The following NOL10 variants were observed in gnomAD, a reference collection of about 807,000 sequenced individuals.
NOL10 encodes the protein nucleolar protein 10, also known as H_NH0074G24.1.
In NOL10, 58 loss-of-function variants were observed where a neutral mutation model predicts 103.5. The ratio of observed to expected loss-of-function variants is 0.56; its 90% confidence interval spans 0.45 to 0.70. NOL10 has a LOEUF of 0.70. NOL10 is among the 30% of genes least tolerant of loss of function. The pLI is 0.00. For synonymous variants in NOL10, 287 were observed against 282.5 expected (o/e 1.02, Z -0.16); for missense variants, 763 against 807.3 (o/e 0.95, Z 0.67).
intron 3 of NOL10, among the ~76,000 whole-genome samples, chr2:10,680,337 AAGAGGG>A (rs1260472547): frequency 1.9e-5 from 2 of 107,806 alleles, no homozygotes; most frequent in African/African-American, 3.7e-5. Flanking sequence ...GGAGAGGGAG[AAGAGGG>A]AGAGGGAGAA....
At chr2:10,593,951 A>C (rs1317103987) in intron 17 of NOL10, among the ~76,000 whole-genome samples, 5 of 152,220 alleles carry the variant, frequency 3.3e-5, no homozygotes, top group Non-Finnish European at 5.9e-5. Context: ...TTCCCCAAAC[A>C]GTGTGGCCAA....
At chr2:10,603,841 T>C (rs1283255532) in intron 14 of NOL10, among the ~76,000 whole-genome samples, 2 of 152,176 alleles carry the variant, frequency 1.3e-5, no homozygotes, top group South Asian at 2.1e-4. Context: ...AGGAATTATT[T>C]ATTAATTCCA....
At chr2:10,657,298 ACAGAG>A (rs1679907516) in intron 11 of NOL10, among the ~76,000 whole-genome samples, 1 of 151,834 alleles carries the variant, frequency 6.6e-6, no homozygotes, top group Admixed American at 6.6e-5. Context: ...AGCCTGGGCG[ACAGAG>A]CAAACTCTCT....
In NOL10 at chr2:10,684,199, C is replaced by T. The variant is rs966896306; in HGVS notation, c.112+368G>A. Reference sequence around the variant, plus strand: ...GCTGAGGCAGGAGAACTGCTTGAATCCAGGAGGTGGAGGTTGCAGTGAGCC... The same window carrying T: ...GCTGAGGCAGGAGAACTGCTTGAATTCAGGAGGTGGAGGTTGCAGTGAGCC... On this transcript the variant is annotated intron_variant, in intron 2 of 20. Coordinates refer to ENST00000381685, the MANE Select transcript of NOL10 (RefSeq NM_024894.4). Among the ~76,000 whole-genome samples, 10 of 151,956 alleles carry T rather than the reference C, an allele frequency of 6.6e-5. 1 individual carries two copies. In the South Asian group the frequency reaches 1.0e-3, roughly 16 times the overall value.
At chr2:10,598,825 A>T (rs1032515012) in intron 17 of NOL10, among the ~76,000 whole-genome samples, 2 of 152,258 alleles carry the variant, frequency 1.3e-5, no homozygotes, top group Non-Finnish European at 2.9e-5. Context: ...AAAATACTCA[A>T]TTAGGCTTTA....
intron 12 of NOL10, among the ~76,000 whole-genome samples, chr2:10,653,805 C>T (rs1005504267): frequency 2.6e-5 from 4 of 152,136 alleles, no homozygotes; most frequent in Non-Finnish European, 4.4e-5. Context: ...GCTCCGCTCT[C>T]GGTGGTCACA....
At chr2:10,663,171 A>G in intron 8 of NOL10, 127 bp from the exon 9 acceptor site, 1 of 645,270 alleles carries the variant, frequency 1.5e-6, no homozygotes, top group Non-Finnish European at 2.7e-6. Flanking sequence ...GTTTGAGACT[A>G]GTCTGACTAA....
intron 14 of NOL10, 139 bp downstream of exon 14, chr2:10,607,046 T>C (rs1676297457): frequency 1.8e-5 from 9 of 494,374 alleles, no homozygotes; most frequent in Non-Finnish European, 2.4e-5. Flanking sequence ...ATTTATAATA[T>C]GTTTAATATC....
chr2:10,580,444 C>CTAT (rs1209669188), intron 19 of NOL10, among the ~76,000 whole-genome samples: 2 of 143,652 alleles, frequency 1.4e-5, no homozygotes, highest in Non-Finnish European at 3.0e-5. Context: ...GGGACTTTTT[C>CTAT]ACTGGTGTAT....
chr2:10,602,565 G>A (rs1380156279), intron 16 of NOL10, among the ~76,000 whole-genome samples: 1 of 152,186 alleles, frequency 6.6e-6, no homozygotes, highest in Admixed American at 6.5e-5. Context: ...AATTACCGCA[G>A]AGGTCATAAT....
At chr2:10,677,111 G>A (rs1470941388) in intron 3 of NOL10, among the ~76,000 whole-genome samples, 1 of 151,878 alleles carries the variant, frequency 6.6e-6, no homozygotes, top group East Asian at 1.9e-4. Flanking sequence ...GCTAATTTTT[G>A]TATTTTTAGT....
chr2:10,672,509 C>T (rs1313083234), intron 5 of NOL10, among the ~76,000 whole-genome samples: 4 of 151,986 alleles, frequency 2.6e-5, no homozygotes, highest in African/African-American at 4.8e-5. Context: ...TGTTCCAAAA[C>T]GTATGATAAA....
intron 13 of NOL10, among the ~76,000 whole-genome samples, chr2:10,622,922 G>A (rs1414444635): frequency 6.6e-6 from 1 of 151,940 alleles, no homozygotes; most frequent in East Asian, 1.9e-4. Flanking sequence ...CTCTGTGAAT[G>A]GTACCACTGC....
At chr2:10,597,563 A>G (rs541675611) in intron 17 of NOL10, among the ~76,000 whole-genome samples, 7 of 152,362 alleles carry the variant, frequency 4.6e-5, no homozygotes, top group Admixed American at 4.6e-4. Flanking sequence ...CACTTTACAT[A>G]AGATGAAACT....
chr2:10,589,272 C>T lies in NOL10; in HGVS notation c.1615G>A (p.Glu539Lys). The T allele has an allele frequency of 6.2e-7, 1 of 1,613,786 alleles. No homozygotes were observed. The highest frequency in any genetic ancestry group is 2.2e-5 in the East Asian group (1 of 44,878). ...CTTTCTGCATCACTTGGTTTTCCTT[C>T]CGGCTCTTCCTCCTCTTCCTGAGAA... The part of the protein sequence containing the change: ...LREKEEEEEP[E>K]GKPSDAESSE... The change falls in exon 19 of 21, where the codon GAA (glutamate) becomes AAA (lysine). Residue 539 changes from glutamate to lysine, a missense_variant. By Grantham distance (56) the Glu-to-Lys change is moderately conservative. Coordinates refer to ENST00000381685, the MANE Select transcript of NOL10 (RefSeq NM_024894.4).
rs1675279248 is a variant in NOL10 at position 10,589,278 on chromosome 2, C to T, written c.1609G>A (p.Glu537Lys). The T allele has an allele frequency of 6.2e-7, 1 of 1,613,516 alleles. No homozygotes were observed. The highest frequency in any genetic ancestry group is 8.5e-7 in the Non-Finnish European group (1 of 1,179,872). ...QELREKEEEE[E>K]PEGKPSDAES... is the part of the protein sequence containing the mutation. Reference sequence around the variant, plus strand: ...GCATCACTTGGTTTTCCTTCCGGCTCTTCCTCCTCTTCCTGAGAATAAAAA... The same window carrying T: ...GCATCACTTGGTTTTCCTTCCGGCTTTTCCTCCTCTTCCTGAGAATAAAAA... The change falls in exon 19 of 21, where the codon GAG becomes AAG. Residue 537 changes from glutamate to lysine, a missense_variant. Transcript: ENST00000381685.
At chr2:10,634,234 C>T (rs1469135776) in intron 13 of NOL10, among the ~76,000 whole-genome samples, 1 of 152,144 alleles carries the variant, frequency 6.6e-6, no homozygotes, top group Admixed American at 6.5e-5. Flanking sequence ...TCCAGTATTA[C>T]AGTAATCCAG....
intron 4 of NOL10, among the ~76,000 whole-genome samples, chr2:10,675,019 A>C (rs1244986311): frequency 6.6e-6 from 1 of 152,128 alleles, no homozygotes; most frequent in Non-Finnish European, 1.5e-5. Context: ...CCTGGGCAAC[A>C]TGGCTAGACT....
chr2:10,664,815 G>A (rs1680469444), intron 8 of NOL10, among the ~76,000 whole-genome samples: 1 of 152,166 alleles, frequency 6.6e-6, no homozygotes. Context: ...GATGACGGAC[G>A]TGAGCCACCA....
Sources: allele counts gnomAD v4.1 joint callset (sites outside exome capture counted in the v4.1 genomes callset), GRCh38; gene constraint gnomAD v4.1.1; transcripts MANE v1.5; gene names NCBI Gene and HGNC (gene_info 2026-07-23, HGNC 2026-07-21).